SSU72: variants seen among roughly 807,000 people sequenced by gnomAD.
The protein encoded by SSU72 is RNA polymerase II subunit A C-terminal domain phosphatase SSU72.
In SSU72, 12 loss-of-function variants were observed where a neutral mutation model predicts 22.7. The ratio of observed to expected loss-of-function variants is 0.53; its 90% confidence interval spans 0.34 to 0.86. SSU72 has a LOEUF of 0.86. SSU72 is among the 40% of genes least tolerant of loss of function. The probability of loss-of-function intolerance (pLI) is 0.02; values close to 1 mark genes in which losing one functional copy is unlikely to be tolerated. For missense variants in SSU72, 151 were observed against 249.8 expected (o/e 0.60, Z 2.67); for synonymous variants, 116 against 98.3 (o/e 1.18, Z -1.06).
rs1321719689 is a variant in SSU72, at chr1:1,542,205, C to T, written c.484-38G>A. 10 of 1,544,738 alleles carry T rather than the reference C, an allele frequency of 6.5e-6. No homozygotes were observed. Among genetic ancestry groups the T allele is most frequent in the Non-Finnish European group, 7.9e-6 (9 of 1,139,608 alleles). ...GACCGTGGTGAGGGCCTTGCCCACT[C>T]CTGCCTGTCTGCTCCCCCTAACACC... On this transcript the variant is annotated intron_variant, in intron 4 of 4. Transcript: ENST00000291386. The surrounding 1 kb of genome is among the most constrained non-coding windows in gnomAD (Gnocchi z 4.4).
intron 1 of SSU72, among the ~76,000 whole-genome samples, chr1:1,572,771 T>C (rs71165617): frequency 4.0e-5 from 6 of 149,026 alleles, no homozygotes; most frequent in Admixed American, 1.4e-4. Context: ...CCATCTTTGT[T>C]ATGCAGGTAC....
At chr1:1,564,506 G>A (rs767120112) in intron 2 of SSU72, 6 of 1,513,928 alleles carry the variant, frequency 4.0e-6, no homozygotes, top group Non-Finnish European at 4.4e-6. Flanking sequence ...CCTGGTCTAC[G>A]CTATGTCACG....
At chr1:1,544,034 G>T in intron 3 of SSU72, 47 bp from the exon 4 acceptor site, 2 of 1,471,124 alleles carry the variant, frequency 1.4e-6, no homozygotes, top group Non-Finnish European at 1.9e-6. Flanking sequence ...CAAAACCAGG[G>T]AACAGGCAGT....
At chr1:1,552,145 C>G (rs3766173) in intron 2 of SSU72, among the ~76,000 whole-genome samples, 1 of 152,226 alleles carries the variant, frequency 6.6e-6, no homozygotes, top group East Asian at 1.9e-4. Flanking sequence ...CATCCTCACG[C>G]TGGCCGCGTG....
chr1:1,574,406 A>C, intron 1 of SSU72, 72 bp downstream of exon 1: 1 of 1,492,500 alleles, frequency 6.7e-7, no homozygotes, highest in Non-Finnish European at 9.1e-7. Context: ...GGCGCGGGCC[A>C]GGGGGAACCG....
chr1:1,564,724 C>T, intron 2 of SSU72, 49 bp downstream of exon 2: 1 of 1,614,198 alleles, frequency 6.2e-7, no homozygotes, highest in Non-Finnish European at 8.5e-7. Flanking sequence ...GTAACACCTT[C>T]CAGGGAGGAC....
At chr1:1,566,869 A>T (rs1570398719) in intron 1 of SSU72, among the ~76,000 whole-genome samples, 1 of 146,846 alleles carries the variant, frequency 6.8e-6, no homozygotes, top group Non-Finnish European at 1.5e-5. Context: ...AAAAAAAAAA[A>T]TTACTGAATG....
chr1:1,573,889 G>A (rs1015353530), intron 1 of SSU72, among the ~76,000 whole-genome samples: 21 of 151,994 alleles, frequency 1.4e-4, no homozygotes, highest in Admixed American at 1.2e-3. Flanking sequence ...ACTTTCATTA[G>A]ACATACGCTA....
At chr1:1,547,119 G>T (rs569710909) in intron 2 of SSU72, among the ~76,000 whole-genome samples, 1 of 152,128 alleles carries the variant, frequency 6.6e-6, no homozygotes, top group Non-Finnish European at 1.5e-5. Context: ...ACCGGCTCAC[G>T]GAGAGGAACC....
Position 1,544,004 on chromosome 1 carries a change from G to GAC in SSU72, c.365-19_365-18dup. ...AATTCAGATCTGATTGGGACAAGGT[G>GAC]ACACAGACGTCAGAGGCTCCAAAAC... On this transcript the variant is annotated splice_polypyrimidine_tract_variant and intron_variant, in intron 3 of 4. Transcript: ENST00000291386. 6.3e-7 allele frequency: 1 copy of GAC among 1,593,468 alleles called. No individual in the cohort carries two copies. The highest frequency in any genetic ancestry group is 2.2e-5 in the East Asian group (1 of 44,672).
At chr1:1,560,334 T>G (rs182380714) in intron 2 of SSU72, among the ~76,000 whole-genome samples, 3 of 151,896 alleles carry the variant, frequency 2.0e-5, no homozygotes, top group African/African-American at 4.8e-5. Context: ...TTTGTAGAGA[T>G]AGAGGCTTGC....
intron 1 of SSU72, among the ~76,000 whole-genome samples, chr1:1,565,134 ATCATGAAGGCAGGCG>A (rs1319348381): frequency 1.3e-5 from 2 of 151,796 alleles, no homozygotes; most frequent in African/African-American, 4.8e-5. Context: ...AGGCAGGCGG[ATCATGAAGGCAGGCG>A]GATCATGAAG....
intron 2 of SSU72, among the ~76,000 whole-genome samples, chr1:1,558,314 G>A (rs543414878): frequency 6.6e-6 from 1 of 152,174 alleles, no homozygotes; most frequent in East Asian, 1.9e-4. Flanking sequence ...GCTGCAGTGA[G>A]CTGTGACAGC....
At chr1:1,566,994 T>C (rs2100720903) in intron 1 of SSU72, among the ~76,000 whole-genome samples, 2 of 152,288 alleles carry the variant, frequency 1.3e-5, no homozygotes, top group East Asian at 3.9e-4. Context: ...AAACTACCTG[T>C]GCCTTTCTCA....
At chr1:1,563,828 A>C (rs1212737781) in intron 2 of SSU72, 1 of 152,270 alleles carries the variant, frequency 6.6e-6, no homozygotes, top group Non-Finnish European at 1.5e-5. Flanking sequence ...TCGCCACTGC[A>C]CTCCAGCCGG....
At position 1,574,778 on chromosome 1, in the gene SSU72, G is replaced by T. The variant is rs1435479581; in HGVS notation, c.-221C>A. The T allele has an allele frequency of 4.2e-6, 1 of 239,218 alleles. No individual in the cohort carries two copies. The highest frequency in any genetic ancestry group is 6.6e-5 in the South Asian group (1 of 15,062). 14.8% of individuals were successfully genotyped at this position (239,218 alleles called of 1,614,324 possible). A position where few individuals can be genotyped will look rare whatever the true frequency, so the allele number is the denominator to read the frequency against. On this transcript the variant is annotated 5_prime_UTR_variant, in exon 1 of 5. Transcript: ENST00000291386. ...ACTGGCCTTCGGGCGCGCTGCACTC[G>T]GCGAGGCCGGGGGCGGCCAACGCCG...
At chr1:1,572,880 G>A (rs1044658966) in intron 1 of SSU72, among the ~76,000 whole-genome samples, 1 of 124,874 alleles carries the variant, frequency 8.0e-6, no homozygotes, top group Non-Finnish European at 1.6e-5. Flanking sequence ...TTTGTCTTGG[G>A]GGGGGGGGGG....
At chr1:1,562,699 G>C (rs1557503277) in intron 2 of SSU72, 1 of 152,358 alleles carries the variant, frequency 6.6e-6, no homozygotes, top group Non-Finnish European at 1.5e-5. Context: ...ACAAAGGCAT[G>C]TCGGGAGGGC....
chr1:1,557,897 C>T (rs1037226533), intron 2 of SSU72, among the ~76,000 whole-genome samples: 1 of 152,228 alleles, frequency 6.6e-6, no homozygotes, highest in Non-Finnish European at 1.5e-5. Flanking sequence ...ATTCAGAGGA[C>T]GGACATGAAC....
Sources: allele counts gnomAD v4.1 joint callset (sites outside exome capture counted in the v4.1 genomes callset), GRCh38; gene constraint gnomAD v4.1.1; non-coding constraint Gnocchi (gnomAD v3.1); transcripts MANE v1.5; gene names NCBI Gene and HGNC (gene_info 2026-07-23, HGNC 2026-07-21).